Variants in QTMAN observed in about 807,000 individuals in gnomAD.
The protein encoded by QTMAN is queuosine-tRNA mannosyltransferase.
the QTMAN span, among the ~76,000 whole-genome samples, chr2:144,024,326 A>G: frequency 2.6e-5 from 4 of 152,254 alleles, no homozygotes; most frequent in African/African-American, 9.6e-5. Flanking sequence ...TATGGCCCAC[A>G]GTACATGCTC....
the QTMAN span, among the ~76,000 whole-genome samples, chr2:144,215,677 C>T: frequency 6.6e-6 from 1 of 152,112 alleles, no homozygotes; most frequent in Non-Finnish European, 1.5e-5. Context: ...GCAATGAATT[C>T]GTTCTACTGA....
chr2:144,213,673 T>C, the QTMAN span, among the ~76,000 whole-genome samples: 4 of 152,202 alleles, frequency 2.6e-5, no homozygotes, highest in African/African-American at 9.7e-5. Context: ...CACAGGCTAA[T>C]CCACATATGG....
At chr2:144,066,152 CTTTTCTTTTT>C in the QTMAN span, among the ~76,000 whole-genome samples, 15 of 151,554 alleles carry the variant, frequency 9.9e-5, no homozygotes, top group African/African-American at 3.6e-4. Context: ...TTCTTTCTTC[CTTTTCTTTTT>C]TTTTCTTTTT....
chr2:144,206,534 C>T, the QTMAN span, among the ~76,000 whole-genome samples: 1 of 152,148 alleles, frequency 6.6e-6, no homozygotes, highest in African/African-American at 2.4e-5. Context: ...ACTGGTGAGG[C>T]ATGTCTTTGG....
the QTMAN span, among the ~76,000 whole-genome samples, chr2:144,089,580 G>C: frequency 6.6e-6 from 1 of 151,932 alleles, no homozygotes; most frequent in Non-Finnish European, 1.5e-5. Flanking sequence ...AGAAAATGTG[G>C]TGTATATTCA....
chr2:144,318,234 A>C, the QTMAN span, among the ~76,000 whole-genome samples: 1 of 131,210 alleles, frequency 7.6e-6, no homozygotes, highest in Non-Finnish European at 1.6e-5. Context: ...CACACACACA[A>C]ATTGTGGTCC....
the QTMAN span, among the ~76,000 whole-genome samples, chr2:144,007,848 C>T: frequency 1.8e-4 from 28 of 151,950 alleles, 1 homozygote; most frequent in Admixed American, 1.8e-3. Context: ...TCTGGATTTC[C>T]ATTTTGTGTT....
chr2:144,061,808 A>G, the QTMAN span, among the ~76,000 whole-genome samples: 1 of 152,080 alleles, frequency 6.6e-6, no homozygotes, highest in Non-Finnish European at 1.5e-5. Flanking sequence ...CCCAGGCTCC[A>G]AGAGCAGAAG....
the QTMAN span, among the ~76,000 whole-genome samples, chr2:144,142,379 C>T: frequency 9.9e-5 from 15 of 151,906 alleles, no homozygotes; most frequent in Admixed American, 3.3e-4. Flanking sequence ...AACAACACTA[C>T]GTACAGCAAT....
chr2:144,044,742 C>T, the QTMAN span, among the ~76,000 whole-genome samples: 1 of 152,000 alleles, frequency 6.6e-6, no homozygotes, highest in African/African-American at 2.4e-5. Flanking sequence ...ACCCAGGCAC[C>T]AGATAATCAG....
At chr2:144,114,487 A>T in the QTMAN span, among the ~76,000 whole-genome samples, 17,655 of 152,188 alleles carry the variant, frequency 0.12, 1,652 homozygotes, top group East Asian at 0.26. Flanking sequence ...CTGTTTTATC[A>T]ATATAAACTG....
At chr2:144,120,864 T>A in the QTMAN span, among the ~76,000 whole-genome samples, 1 of 152,136 alleles carries the variant, frequency 6.6e-6, no homozygotes, top group Non-Finnish European at 1.5e-5. Flanking sequence ...TATAATAGTG[T>A]TTCATCTTCG....
chr2:144,225,009 G>A, the QTMAN span, among the ~76,000 whole-genome samples: 3 of 152,230 alleles, frequency 2.0e-5, no homozygotes, highest in South Asian at 4.2e-4. Flanking sequence ...CAGAGTTGAG[G>A]AAATGTGGCA....
At chr2:144,014,681 T>C in the QTMAN span, among the ~76,000 whole-genome samples, 39 of 152,290 alleles carry the variant, frequency 2.6e-4, no homozygotes, top group African/African-American at 9.1e-4. Context: ...GAATCTTCCA[T>C]TGTTAAAAAG....
the QTMAN span, among the ~76,000 whole-genome samples, chr2:144,320,885 G>A: frequency 6.6e-6 from 1 of 152,094 alleles, no homozygotes; most frequent in Non-Finnish European, 1.5e-5. Context: ...GGTTATGATT[G>A]CCCCTGAAGT....
the QTMAN span, among the ~76,000 whole-genome samples, chr2:144,041,102 T>C: frequency 6.6e-6 from 1 of 152,214 alleles, no homozygotes; most frequent in East Asian, 1.9e-4. Context: ...GACACTTTCA[T>C]TGCGCTTGAG....
the QTMAN span, among the ~76,000 whole-genome samples, chr2:144,145,159 A>G: frequency 2.7e-5 from 4 of 150,702 alleles, no homozygotes; most frequent in Non-Finnish European, 4.4e-5. Context: ...AAGTTGCTCC[A>G]TTATGCTTTA....
At chr2:144,027,947 T>C in the QTMAN span, among the ~76,000 whole-genome samples, 3 of 152,216 alleles carry the variant, frequency 2.0e-5, no homozygotes, top group Admixed American at 2.0e-4. Context: ...CTTGCTCTCG[T>C]GCTGTAGAAT....
the QTMAN span, among the ~76,000 whole-genome samples, chr2:144,260,876 T>C: frequency 1.3e-5 from 2 of 151,540 alleles, no homozygotes; most frequent in Non-Finnish European, 2.9e-5. Flanking sequence ...ACAGTAGATA[T>C]AAGATTTAAA....
Sources: allele counts gnomAD v4.1 joint callset (sites outside exome capture counted in the v4.1 genomes callset), GRCh38; gene constraint gnomAD v4.1.1; transcripts MANE v1.5; gene names NCBI Gene and HGNC (gene_info 2026-07-23, HGNC 2026-07-21).